SLC2A13: variants seen among roughly 807,000 people sequenced by gnomAD.
The protein encoded by SLC2A13 is proton myo-inositol cotransporter.
SLC2A13 carries 32 observed loss-of-function variants against 64.4 expected under a neutral mutation model. The ratio of observed to expected loss-of-function variants is 0.50; its 90% CI spans 0.37 to 0.67. The LOEUF (loss-of-function observed/expected upper bound fraction) is 0.67, where lower values mean the gene tolerates loss of function less well. Among genes scored for constraint, SLC2A13 ranks in the 30% least tolerant of loss-of-function variants. The probability of loss-of-function intolerance (pLI) is 0.00; values close to 1 mark genes in which losing one functional copy is unlikely to be tolerated. For synonymous variants in SLC2A13, 338 were observed against 327.1 expected, an observed-to-expected ratio of 1.03 and a Z score of -0.36; for missense variants, 743 against 829.2, an observed-to-expected ratio of 0.90 and a Z score of 1.28.
chr12:39,797,887 G>C (rs1941636524), intron 7 of SLC2A13, among the ~76,000 whole-genome samples: 2 of 152,060 alleles, frequency 1.3e-5, no homozygotes, highest in Admixed American at 1.3e-4. Context: ...ATCTTCATTA[G>C]GGGCTGTGGG....
At chr12:40,100,404 A>G (rs780524591) in intron 1 of SLC2A13, among the ~76,000 whole-genome samples, 2 of 152,234 alleles carry the variant, frequency 1.3e-5, no homozygotes, top group African/African-American at 2.4e-5. Flanking sequence ...CCAGGGAGAA[A>G]GGGCTAATGG....
At chr12:39,828,855 CT>C (rs892158321) in intron 7 of SLC2A13, among the ~76,000 whole-genome samples, 1 of 151,940 alleles carries the variant, frequency 6.6e-6, no homozygotes, top group Non-Finnish European at 1.5e-5. Context: ...AAAAGAAACT[CT>C]TTTGAGTGTT....
At chr12:39,807,281 CTG>C (rs1942009895) in intron 7 of SLC2A13, among the ~76,000 whole-genome samples, 1 of 152,132 alleles carries the variant, frequency 6.6e-6, no homozygotes. Flanking sequence ...TATATCTTGA[CTG>C]TACTGGTGGA....
At chr12:40,096,138 C>G (rs1388481068) in intron 1 of SLC2A13, among the ~76,000 whole-genome samples, 1 of 151,042 alleles carries the variant, frequency 6.6e-6, no homozygotes, top group Non-Finnish European at 1.5e-5. Context: ...ACCATGTTAG[C>G]CAGGATGGTC....
At chr12:39,849,194 A>G (rs543170901) in intron 6 of SLC2A13, among the ~76,000 whole-genome samples, 1 of 152,278 alleles carries the variant, frequency 6.6e-6, no homozygotes, top group South Asian at 2.1e-4. Flanking sequence ...AAAAAATTCA[A>G]AAAAAGAAAA....
At chr12:39,985,815 T>C (rs1444759420) in intron 3 of SLC2A13, among the ~76,000 whole-genome samples, 1 of 152,112 alleles carries the variant, frequency 6.6e-6, no homozygotes, top group Non-Finnish European at 1.5e-5. Flanking sequence ...TTTACCTCTT[T>C]TCATGCTACC....
intron 4 of SLC2A13, among the ~76,000 whole-genome samples, chr12:39,924,280 T>C (rs1038251866): frequency 2.0e-5 from 3 of 152,152 alleles, no homozygotes; most frequent in Admixed American, 1.3e-4. Context: ...CAGGTTGTTG[T>C]CTTTTTTTAA....
At chr12:40,058,919 T>C (rs1330163950) in intron 1 of SLC2A13, among the ~76,000 whole-genome samples, 1 of 152,184 alleles carries the variant, frequency 6.6e-6, no homozygotes, top group Non-Finnish European at 1.5e-5. Context: ...TTAGAACAAG[T>C]TGATTAAAAT....
At chr12:39,866,018 GA>G (rs1446528252) in intron 5 of SLC2A13, among the ~76,000 whole-genome samples, 1 of 152,146 alleles carries the variant, frequency 6.6e-6, no homozygotes, top group Non-Finnish European at 1.5e-5. Context: ...ATGTACCCCT[GA>G]AATTAAAAGT....
At position 39,812,418 on chromosome 12, in the gene SLC2A13, C is replaced by T. The variant is rs796961769; in HGVS notation, c.1445+17685G>A. ...TCTCTCTTTCTTCCTTCCTTCCTTC[C>T]TTCCTGCCTTCCTTCCTTTTCTTTC... On this transcript the variant is annotated intron_variant, in intron 7 of 9. Coordinates refer to ENST00000280871, the MANE Select transcript of SLC2A13 (RefSeq NM_052885.4). Among the ~76,000 whole-genome samples, 6 of 132,236 alleles carry T rather than the reference C, an allele frequency of 4.5e-5. No homozygotes were observed. The East Asian group carries it at 8.1e-4, about 18-fold the overall frequency. The allele number at this position is 132,236 out of a possible 152,430, so 86.8% of individuals were successfully genotyped here.
chr12:39,793,011 ATCTT>A (rs1941458773), intron 7 of SLC2A13, among the ~76,000 whole-genome samples: 1 of 152,172 alleles, frequency 6.6e-6, no homozygotes, highest in South Asian at 2.1e-4. Context: ...GGTTAACAAA[ATCTT>A]TCACATTCCT....
intron 2 of SLC2A13, among the ~76,000 whole-genome samples, chr12:40,037,986 C>T (rs182444128): frequency 6.6e-6 from 1 of 152,174 alleles, no homozygotes; most frequent in Admixed American, 6.5e-5. Context: ...TTCAAAGAAC[C>T]AACTGTTAAC....
intron 1 of SLC2A13, among the ~76,000 whole-genome samples, chr12:40,084,188 A>G (rs902007334): frequency 1.8e-4 from 28 of 152,222 alleles, no homozygotes; most frequent in African/African-American, 6.8e-4. Context: ...ATTGTAAAAA[A>G]TGATCAAACA....
At chr12:39,784,261 T>C (rs558312011) in intron 7 of SLC2A13, among the ~76,000 whole-genome samples, 28 of 152,238 alleles carry the variant, frequency 1.8e-4, no homozygotes, top group East Asian at 7.7e-4. Flanking sequence ...GAGCCCGCAT[T>C]GCCAAGTCAA....
At position 40,028,404 on chromosome 12, in the gene SLC2A13, C is replaced by T; in HGVS notation, c.822G>A (p.Lys274=). The T allele has an allele frequency of 6.2e-7, 1 of 1,614,000 alleles. No individual in the cohort carries two copies. Among genetic ancestry groups the T allele is most frequent in the Non-Finnish European group, 8.5e-7 (1 of 1,179,982 alleles). Residue 274 remains lysine (K), a synonymous_variant, in exon 3 of 10, where the codon AAG becomes AAA. Coordinates refer to ENST00000280871, the MANE Select transcript of SLC2A13 (RefSeq NM_052885.4). The stretch of plus-strand genomic sequence containing the variant: ...GCATCTGAGATAAAATTCTACGGGC[C>T]TTCTGAGTCTGTCCTTTCTGAATAA... ...RWLIQKGQTQ[K]ARRILSQMRG...
At chr12:39,886,692 T>C (rs1042176842) in intron 4 of SLC2A13, among the ~76,000 whole-genome samples, 5 of 152,222 alleles carry the variant, frequency 3.3e-5, no homozygotes, top group Non-Finnish European at 7.3e-5. Context: ...AATGCCCTTT[T>C]CATTTCCTGT....
chr12:40,029,689 G>C (rs1165278190), intron 2 of SLC2A13, among the ~76,000 whole-genome samples: 1 of 152,156 alleles, frequency 6.6e-6, no homozygotes, highest in African/African-American at 2.4e-5. Context: ...TGGGTAGTAA[G>C]AATACCTCCT....
chr12:40,058,644 A>G (rs1204332369), intron 1 of SLC2A13, among the ~76,000 whole-genome samples: 1 of 152,188 alleles, frequency 6.6e-6, no homozygotes, highest in African/African-American at 2.4e-5. Flanking sequence ...TAAACCAGCT[A>G]TATACATGTA....
At chr12:39,847,388 T>C (rs1003691750) in intron 6 of SLC2A13, among the ~76,000 whole-genome samples, 7 of 152,034 alleles carry the variant, frequency 4.6e-5, no homozygotes, top group African/African-American at 1.7e-4. Context: ...AGAATACATT[T>C]CCCAGTTCAC....
Sources: allele counts gnomAD v4.1 joint callset (sites outside exome capture counted in the v4.1 genomes callset), GRCh38; gene constraint gnomAD v4.1.1; transcripts MANE v1.5; gene names NCBI Gene and HGNC (gene_info 2026-07-23, HGNC 2026-07-21).